Variants in TAX1BP1 observed in about 807,000 individuals in gnomAD.
TAX1BP1 encodes the protein Tax1 binding protein 1, also known as tax1-binding protein 1.
TAX1BP1 carries 62 observed loss-of-function variants against 97.7 expected under a neutral mutation model. The observed-to-expected ratio is 0.63, with a 90% CI of 0.52 to 0.78. The LOEUF (loss-of-function observed/expected upper bound fraction) is 0.78. Ranked by LOEUF, TAX1BP1 falls within the 30% of genes least tolerant of loss-of-function variation. The probability of loss-of-function intolerance (pLI) is 0.00; values close to 1 mark genes in which losing one functional copy is unlikely to be tolerated. For synonymous variants in TAX1BP1, 340 were observed against 304.2 expected (o/e 1.12, Z -1.23); for missense variants, 867 against 916.1 (o/e 0.95, Z 0.69).
intron 5 of TAX1BP1, among the ~76,000 whole-genome samples, chr7:27,782,026 A>T (rs2128315183): frequency 1.3e-5 from 2 of 152,220 alleles, no homozygotes; most frequent in Middle Eastern, 6.8e-3. Flanking sequence ...AGACTATACT[A>T]AATGTATAAA....
intron 13 of TAX1BP1, among the ~76,000 whole-genome samples, chr7:27,812,064 G>A (rs1352515634): frequency 2.0e-5 from 3 of 152,122 alleles, no homozygotes; most frequent in Non-Finnish European, 4.4e-5. Flanking sequence ...TTAATGAAAC[G>A]GCCGAATTGT....
chr7:27,806,979 A>C (rs1342199937), intron 13 of TAX1BP1, among the ~76,000 whole-genome samples: 1 of 152,116 alleles, frequency 6.6e-6, no homozygotes, highest in Non-Finnish European at 1.5e-5. Flanking sequence ...TTCTTTTTAA[A>C]GTTTATTCCT....
Position 27,740,245 on chromosome 7 carries a change from C to T in TAX1BP1, c.-32C>T, listed in dbSNP as rs556689268. 2 of 152,548 alleles carry T rather than the reference C, an allele frequency of 1.3e-5. No homozygotes were observed. The highest frequency in any genetic ancestry group is 2.1e-4 in the South Asian group (1 of 4,840). The allele number at this position is 152,548 out of a possible 1,614,324, so 9.4% of individuals were successfully genotyped here. On this transcript the variant is annotated 5_prime_UTR_variant, in exon 1 of 17. Coordinates refer to ENST00000396319, the MANE Select transcript of TAX1BP1 (RefSeq NM_006024.7). Reference sequence around the variant, plus strand: ...ATCGGAAGCCTGCGTAACTTTCTCCCTTGATCCGGGAGTCTTTCCACTGGG... The same window carrying T: ...ATCGGAAGCCTGCGTAACTTTCTCCTTTGATCCGGGAGTCTTTCCACTGGG...
chr7:27,749,847 C>A (rs1787958320), intron 2 of TAX1BP1, among the ~76,000 whole-genome samples: 1 of 152,072 alleles, frequency 6.6e-6, no homozygotes, highest in Non-Finnish European at 1.5e-5. Context: ...GGCTGGAGTG[C>A]AGTGGTGGGA....
rs1188565195 is a variant in TAX1BP1, at chr7:27,771,064, A to G, written c.612+1230A>G. Among the ~76,000 whole-genome samples, 7 of 121,922 alleles carry G rather than the reference A, an allele frequency of 5.7e-5. No homozygotes were observed. In the South Asian group the frequency reaches 1.1e-3, roughly 20 times the overall value. The allele number at this position is 121,922 out of a possible 152,430, so 80.0% of individuals were successfully genotyped here. On this transcript the variant is annotated intron_variant, in intron 5 of 16. Transcript: ENST00000396319. Reference sequence around the variant, plus strand: ...TTAAAATATAGTAAAATCTCATAATATGTGCCCTCGATGACTATTAGGACA... The same window carrying G: ...TTAAAATATAGTAAAATCTCATAATGTGTGCCCTCGATGACTATTAGGACA...
chr7:27,792,979 A>G, intron 9 of TAX1BP1, 87 bp from the exon 10 acceptor site: 1 of 1,283,730 alleles, frequency 7.8e-7, no homozygotes, highest in Non-Finnish European at 1.1e-6. Context: ...AAAAAAAGAA[A>G]AAAAGTAAGA....
chr7:27,750,705 C>A (rs964977728), intron 2 of TAX1BP1, among the ~76,000 whole-genome samples: 1 of 152,086 alleles, frequency 6.6e-6, no homozygotes, highest in Non-Finnish European at 1.5e-5. Context: ...GAATTATTAC[C>A]TTTTTCCTGC....
At chr7:27,826,690 T>C (rs1255430595) in intron 15 of TAX1BP1, among the ~76,000 whole-genome samples, 1 of 152,220 alleles carries the variant, frequency 6.6e-6, no homozygotes, top group Non-Finnish European at 1.5e-5. Context: ...TACAGATCTC[T>C]AAAAACTGCT....
intron 3 of TAX1BP1, among the ~76,000 whole-genome samples, chr7:27,765,422 C>T (rs761828852): frequency 1.3e-5 from 2 of 152,178 alleles, no homozygotes; most frequent in Non-Finnish European, 2.9e-5. Flanking sequence ...CTCTTATTTA[C>T]ATGTAATGAA....
In TAX1BP1 at chr7:27,785,434, G is replaced by A. The variant is rs1789443483; in HGVS notation, c.797G>A (p.Arg266Lys). The A allele has an allele frequency of 6.2e-7, 1 of 1,613,642 alleles. No homozygotes were observed. Among genetic ancestry groups the A allele is most frequent in the East Asian group, 2.2e-5 (1 of 44,852 alleles). ...AAACTCAAGAAGGCACAACATGAAA[G>A]AGAACAACTTGAATGTCAGTTGAAG... ...KDKLKKAQHE[R>K]EQLECQLKTE... The change falls in exon 7 of 17, where the codon AGA (arginine) becomes AAA (lysine). Residue 266 changes from arginine to lysine, a missense_variant. By Grantham distance (26) the Arg-to-Lys change is conservative. Coordinates refer to ENST00000396319, the MANE Select transcript of TAX1BP1 (RefSeq NM_006024.7).
chr7:27,771,499 A>G (rs1167586461), intron 5 of TAX1BP1, among the ~76,000 whole-genome samples: 2 of 152,064 alleles, frequency 1.3e-5, no homozygotes, highest in African/African-American at 4.8e-5. Flanking sequence ...ACACACACAC[A>G]TCGGGCCATT....
In TAX1BP1 at chr7:27,787,542, A is replaced by G. The variant is rs914893762; in HGVS notation, c.977A>G (p.Gln326Arg). ...THFKEEIGRL[Q>R]LCLAEKENLQ... The stretch of plus-strand genomic sequence containing the variant: ...TTCAAAGAAGAGATTGGCAGGCTGC[A>G]GTTATGTTTGGCTGAAAAGGAAAAT... The change falls in exon 8 of 17, where the codon CAG becomes CGG. Residue 326 changes from glutamine (Q) to arginine (R), a missense_variant. By Grantham distance (43) the Gln-to-Arg change is conservative. This residue lies in a region of TAX1BP1 where 822 missense variants were observed against 851.4 expected (regional missense o/e 0.97). Transcript: ENST00000396319. 1.9e-6 allele frequency: 3 copies of G among 1,613,578 alleles called. No individual in the cohort carries two copies. The highest frequency in any genetic ancestry group is 2.2e-5 in the South Asian group (2 of 90,940).
rs1258907257 is a variant in TAX1BP1, at chr7:27,793,179, C to T, written c.1377C>T (p.Leu459=). 6.3e-7 allele frequency: 1 copy of T among 1,587,438 alleles called. No individual in the cohort carries two copies. The highest frequency in any genetic ancestry group is 1.2e-5 in the South Asian group (1 of 85,596). ...AAAAATTTAAGGAATGCCAAAGGCT[C>T]CAAAAACAAATAAACAAACTTTCAG... ...YKEKFKECQR[L]QKQINKLSDQ... Residue 459 remains leucine, a synonymous_variant, in exon 10 of 17, where the codon CTC becomes CTT. Coordinates refer to ENST00000396319, the MANE Select transcript of TAX1BP1 (RefSeq NM_006024.7).
At chr7:27,796,057 G>A in intron 11 of TAX1BP1, 59 bp from the exon 12 acceptor site, 1 of 1,293,154 alleles carries the variant, frequency 7.7e-7, no homozygotes, top group Non-Finnish European at 1.1e-6. Context: ...ATTCTGAACA[G>A]GAAGATAATA....
chr7:27,789,876 T>G (rs1365530961), intron 8 of TAX1BP1, among the ~76,000 whole-genome samples: 1 of 152,020 alleles, frequency 6.6e-6, no homozygotes, highest in Non-Finnish European at 1.5e-5. Context: ...TGATTATTTG[T>G]TATTTAATAA....
At chr7:27,746,952 A>T (rs999133132) in intron 1 of TAX1BP1, among the ~76,000 whole-genome samples, 2 of 152,246 alleles carry the variant, frequency 1.3e-5, no homozygotes, top group African/African-American at 4.8e-5. Context: ...TATTTCAAAC[A>T]GGTCAGCAAA....
intron 15 of TAX1BP1, among the ~76,000 whole-genome samples, chr7:27,827,500 A>G (rs1460549839): frequency 6.6e-6 from 1 of 152,178 alleles, no homozygotes; most frequent in Non-Finnish European, 1.5e-5. Flanking sequence ...TGTAAATGGT[A>G]TGTCTCTATT....
chr7:27,802,007 A>G (rs367907949), intron 13 of TAX1BP1, among the ~76,000 whole-genome samples: 2 of 152,336 alleles, frequency 1.3e-5, no homozygotes, highest in South Asian at 2.1e-4. Context: ...AGGGAAAGGA[A>G]GCAGCAGCAT....
intron 13 of TAX1BP1, among the ~76,000 whole-genome samples, chr7:27,812,055 T>A (rs1334298476): frequency 1.3e-5 from 2 of 152,250 alleles, no homozygotes; most frequent in African/African-American, 4.8e-5. Context: ...TGTATGTTTT[T>A]AATGAAACGG....
Sources: gnomAD v4.1 joint callset for allele counts (sites outside exome capture counted in the v4.1 genomes callset) on GRCh38, gnomAD v4.1.1 for gene constraint, gnomAD v4.1.1 regional missense constraint, MANE v1.5 for transcripts, NCBI Gene and HGNC (gene_info 2026-07-23, HGNC 2026-07-21) for gene names.